Variants in CDC42EP4 observed in about 807,000 individuals in gnomAD.
CDC42EP4 encodes the protein CDC42 effector protein 4.
Under a neutral mutation model 5.6 loss-of-function variants are expected in CDC42EP4, and 6 were observed. That is an observed-to-expected ratio of 1.07 (90% CI 0.59 to 2.12). The LOEUF (loss-of-function observed/expected upper bound fraction) is 2.12. Ranked by LOEUF, CDC42EP4 falls within the 30% of genes most tolerant of loss-of-function variation. The pLI is 0.00. For missense variants in CDC42EP4, 490 were observed against 508.6 expected (o/e 0.96, Z 0.35); for synonymous variants, 230 against 224.2 (o/e 1.03, Z -0.23).
chr17:73,294,139 T>G (rs1319405945), intron 1 of CDC42EP4, among the ~76,000 whole-genome samples: 1 of 151,996 alleles, frequency 6.6e-6, no homozygotes, highest in Non-Finnish European at 1.5e-5. Context: ...TCTCCTGAGG[T>G]CAGGAGTTCG....
rs769215338 is a variant in CDC42EP4, at chr17:73,286,832, C to T, written c.-112-220G>A. ...CAAATCTGGTTAGAGTTCCAGTAGC[C>T]TCGGACACACTTTCCCTGAAACTTG... On this transcript the variant is annotated intron_variant, in intron 1 of 1. Transcript: ENST00000335793. The surrounding 1 kb of genome is among the most constrained non-coding windows in gnomAD (Gnocchi z 7.7). 1.1e-5 allele frequency: 3 copies of T among 261,622 alleles called. No individual in the cohort carries two copies. Among genetic ancestry groups the T allele is most frequent in the Non-Finnish European group, 7.3e-6 (1 of 136,800 alleles). The allele number at this position is 261,622 out of a possible 1,614,324, so 16.2% of individuals were successfully genotyped here.
rs571234531 is a variant in CDC42EP4, at chr17:73,286,053, C to T, written c.448G>A (p.Gly150Arg). ...CCCGCCTCCTCATCGCCGCCCTCCC[C>T]GTCATTGGCCTTCTTCACGGGGCTG... is the stretch of plus-strand genomic sequence containing the variant. ...SSSPVKKAND[G>R]EGGDEEAGTE... Residue 150 changes from glycine (G) to arginine (R), a missense_variant, in exon 2 of 2, where the codon GGG becomes AGG. By Grantham distance (125) the Gly-to-Arg change is moderately radical (BLOSUM62 -2). Coordinates refer to ENST00000335793, the MANE Select transcript of CDC42EP4 (RefSeq NM_012121.5). The surrounding 1 kb of genome is among the most constrained non-coding windows in gnomAD (Gnocchi z 7.7). 8.2e-5 allele frequency: 132 copies of T among 1,613,950 alleles called. No individual in the cohort carries two copies. In the Admixed American group the frequency reaches 1.0e-3, roughly 12 times the overall value.
At chr17:73,301,372 G>T (rs1201813893) in intron 1 of CDC42EP4, among the ~76,000 whole-genome samples, 1 of 152,152 alleles carries the variant, frequency 6.6e-6, no homozygotes, top group African/African-American at 2.4e-5. Context: ...GATAAATAAA[G>T]CCAACCATTG....
At chr17:73,289,714 A>G in intron 1 of CDC42EP4, among the ~76,000 whole-genome samples, 1 of 70,670 alleles carries the variant, frequency 1.4e-5, no homozygotes, top group Non-Finnish European at 3.4e-5. Flanking sequence ...TCTGAAGAAA[A>G]CAGGAAGGGA....
intron 1 of CDC42EP4, among the ~76,000 whole-genome samples, chr17:73,297,431 G>A (rs1213370323): frequency 2.6e-5 from 4 of 151,892 alleles, no homozygotes; most frequent in African/African-American, 4.8e-5. Flanking sequence ...CTGAGATCAC[G>A]CCATTGCACT....
At chr17:73,287,265 C>T (rs577533624) in intron 1 of CDC42EP4, among the ~76,000 whole-genome samples, 88 of 152,300 alleles carry the variant, frequency 5.8e-4, no homozygotes, top group African/African-American at 1.6e-3. Flanking sequence ...TTTCAGCCTT[C>T]GCTTGGTATC....
At chr17:73,287,549 C>T (rs144092102) in intron 1 of CDC42EP4, among the ~76,000 whole-genome samples, 1 of 152,186 alleles carries the variant, frequency 6.6e-6, no homozygotes, top group Non-Finnish European at 1.5e-5. Flanking sequence ...CTGACAAGGG[C>T]CAAGTTGAAG....
rs2062201954 is a variant in CDC42EP4, at chr17:73,298,838, C to A, written c.-112-12226G>T. ...CAAGCACTGTACTGAGGACAACATACATTTATGCCCTTGAAACTCAAAGCA... is the reference window on the plus strand; with the variant it reads ...CAAGCACTGTACTGAGGACAACATAAATTTATGCCCTTGAAACTCAAAGCA... On this transcript the variant is annotated intron_variant, in intron 1 of 1. Transcript: ENST00000335793. Among the ~76,000 whole-genome samples, 5 of 152,212 alleles carry A rather than the reference C, an allele frequency of 3.3e-5. No individual in the cohort carries two copies. In the South Asian group the frequency reaches 1.0e-3, roughly 32 times the overall value.
chr17:73,287,771 C>T (rs1016190822), intron 1 of CDC42EP4, among the ~76,000 whole-genome samples: 1 of 152,278 alleles, frequency 6.6e-6, no homozygotes, highest in East Asian at 1.9e-4. Flanking sequence ...TCCAGACCCA[C>T]TCTTCCCACT....
intron 1 of CDC42EP4, among the ~76,000 whole-genome samples, chr17:73,288,954 T>C (rs539966204): frequency 2.0e-5 from 3 of 152,324 alleles, no homozygotes; most frequent in African/African-American, 4.8e-5. Context: ...CTTGAGATGA[T>C]ACTCTACTCT....
In CDC42EP4 at chr17:73,286,706, G is replaced by A. The variant is rs1227493276; in HGVS notation, c.-112-94C>T. 6 of 571,700 alleles carry A rather than the reference G, an allele frequency of 1.0e-5. No homozygotes were observed. Among genetic ancestry groups the A allele is most frequent in the East Asian group, 8.4e-5 (3 of 35,644 alleles). 35.4% of individuals were successfully genotyped at this position (571,700 alleles called of 1,614,324 possible). A position where few individuals can be genotyped will look rare whatever the true frequency, so the allele number is the denominator to read the frequency against. On this transcript the variant is annotated intron_variant, in intron 1 of 1. Transcript: ENST00000335793. The surrounding 1 kb of genome is among the most constrained non-coding windows in gnomAD (Gnocchi z 7.7). ...AGGGGACTGTCATTTAAACCCCAGCGCTCCTACCAAAGTTAAATGCTGTGA... is the reference window on the plus strand; with the variant it reads ...AGGGGACTGTCATTTAAACCCCAGCACTCCTACCAAAGTTAAATGCTGTGA...
intron 1 of CDC42EP4, among the ~76,000 whole-genome samples, chr17:73,306,513 T>A (rs1349052677): frequency 6.6e-6 from 1 of 151,974 alleles, no homozygotes; most frequent in Non-Finnish European, 1.5e-5. Context: ...AACAAAAAAA[T>A]AATGCACAAA....
intron 1 of CDC42EP4, among the ~76,000 whole-genome samples, chr17:73,292,996 G>C (rs1599432604): frequency 6.6e-6 from 1 of 152,114 alleles, no homozygotes; most frequent in South Asian, 2.1e-4. Flanking sequence ...GGGATTACAG[G>C]AGCCACTGCT....
At chr17:73,298,312 G>A (rs542649847) in intron 1 of CDC42EP4, among the ~76,000 whole-genome samples, 16 of 152,322 alleles carry the variant, frequency 1.1e-4, no homozygotes, top group African/African-American at 3.8e-4. Context: ...AGGGGGCACA[G>A]GGAGATCGGG....
rs747901533 is a variant in CDC42EP4, at chr17:73,285,870, T to G, written c.631A>C (p.Ile211Leu). The G allele has an allele frequency of 3.7e-6, 6 of 1,613,880 alleles. No homozygotes were observed. Among genetic ancestry groups the G allele is most frequent in the Non-Finnish European group, 5.1e-6 (6 of 1,180,000 alleles). ...CCCAGCATGGAGGGCCCCAGGTCGATGTGGAAGGACATGATGGACTCCGCA... is the reference window on the plus strand; with the variant it reads ...CCCAGCATGGAGGGCCCCAGGTCGAGGTGGAAGGACATGATGGACTCCGCA... Reference protein sequence around the residue: ...KHAESIMSFHIDLGPSMLGDV... With the variant: ...KHAESIMSFHLDLGPSMLGDV... Residue 211 changes from isoleucine to leucine, a missense_variant, in exon 2 of 2, where the codon ATC becomes CTC. Physicochemically the swap from Ile to Leu is conservative, Grantham distance 5 (BLOSUM62 2). Transcript: ENST00000335793. The surrounding 1 kb of genome is among the most constrained non-coding windows in gnomAD (Gnocchi z 6.8).
At chr17:73,309,047 A>AAAAAAAAAAAG (rs2062259785) in intron 1 of CDC42EP4, among the ~76,000 whole-genome samples, 1 of 147,190 alleles carries the variant, frequency 6.8e-6, no homozygotes, top group Non-Finnish European at 1.5e-5. Context: ...CCAAAAAAAA[A>AAAAAAAAAAAG]AAAAAAAAAA....
chr17:73,300,687 A>G (rs150125155), intron 1 of CDC42EP4, among the ~76,000 whole-genome samples: 59 of 152,310 alleles, frequency 3.9e-4, no homozygotes, highest in African/African-American at 1.3e-3. Context: ...ACACTACACA[A>G]TATACCCATG....
At chr17:73,306,744 G>T (rs934525043) in intron 1 of CDC42EP4, 1 of 152,278 alleles carries the variant, frequency 6.6e-6, no homozygotes, top group African/African-American at 2.4e-5. Flanking sequence ...AGGCAACAGT[G>T]TAAGGAAATA....
chr17:73,296,966 G>C (rs2062189482), intron 1 of CDC42EP4, among the ~76,000 whole-genome samples: 1 of 63,078 alleles, frequency 1.6e-5, no homozygotes. Context: ...GGGCGAAAGA[G>C]CAAGACTCCG....
Sources: gnomAD v4.1 joint callset for allele counts (sites outside exome capture counted in the v4.1 genomes callset) on GRCh38, gnomAD v4.1.1 for gene constraint, Gnocchi (gnomAD v3.1) non-coding constraint, MANE v1.5 for transcripts, NCBI Gene and HGNC (gene_info 2026-07-23, HGNC 2026-07-21) for gene names.